The following RGS21 variants were observed in gnomAD, a reference collection of about 807,000 sequenced individuals.
The protein encoded by RGS21 is regulator of G-protein signalling 21.
A neutral mutation model predicts 18.7 loss-of-function variants in RGS21; 19 were observed. The ratio of observed to expected loss-of-function variants is 1.01; its 90% confidence interval spans 0.71 to 1.49. The LOEUF (loss-of-function observed/expected upper bound fraction) is 1.49, where lower values mean the gene tolerates loss of function less well. Ranked by LOEUF, RGS21 falls within the 40% of genes most tolerant of loss-of-function variation. The pLI is 0.00. For missense variants in RGS21, 194 were observed against 176.8 expected (o/e 1.10, Z -0.55); for synonymous variants, 56 against 57.8 (o/e 0.97, Z 0.14).
chr1:192,324,983 T>C (rs1275001748), intron 1 of RGS21, among the ~76,000 whole-genome samples: 2 of 152,070 alleles, frequency 1.3e-5, no homozygotes, highest in Non-Finnish European at 2.9e-5. Flanking sequence ...TCTTGGCCTC[T>C]TCTCTCCGTT....
At chr1:192,344,756 A>G (rs932501709) in intron 2 of RGS21, among the ~76,000 whole-genome samples, 1 of 152,082 alleles carries the variant, frequency 6.6e-6, no homozygotes, top group Non-Finnish European at 1.5e-5. Flanking sequence ...GTCAAAATTT[A>G]ACCTTCTGGA....
intron 3 of RGS21, among the ~76,000 whole-genome samples, chr1:192,350,688 G>C (rs1055138453): frequency 6.6e-6 from 1 of 152,176 alleles, no homozygotes; most frequent in African/African-American, 2.4e-5. Context: ...GCCAGCGAAA[G>C]GGTGCAAACT....
intron 4 of RGS21, among the ~76,000 whole-genome samples, chr1:192,361,267 A>G (rs1659184203): frequency 2.0e-5 from 3 of 152,184 alleles, no homozygotes; most frequent in Admixed American, 2.0e-4. Context: ...TTGCCATGGA[A>G]GAAGACAAAA....
intron 3 of RGS21, among the ~76,000 whole-genome samples, chr1:192,348,709 A>G (rs1377070382): frequency 3.3e-5 from 5 of 152,140 alleles, no homozygotes; most frequent in Non-Finnish European, 5.9e-5. Context: ...ATAATCTGCA[A>G]TTCTATCTCA....
At position 192,349,211 on chromosome 1, in the gene RGS21, G is replaced by A. The variant is rs1289884085; in HGVS notation, c.88+1822G>A. 2.0e-5 allele frequency among the ~76,000 whole-genome samples: 3 copies of A among 152,120 alleles called. No individual in the cohort carries two copies. In the East Asian group the frequency reaches 5.8e-4, roughly 29 times the overall value. On this transcript the variant is annotated intron_variant, in intron 3 of 4. Coordinates refer to ENST00000417209, the MANE Select transcript of RGS21 (RefSeq NM_001039152.3). Reference sequence around the variant, plus strand: ...AAGTCCATACAACAGTACTATAGAGGAGAGGCAGGAAGGGTGAGATGAAGG... The same window carrying A: ...AAGTCCATACAACAGTACTATAGAGAAGAGGCAGGAAGGGTGAGATGAAGG...
chr1:192,360,310 C>A (rs921016483), intron 4 of RGS21, among the ~76,000 whole-genome samples: 1 of 151,982 alleles, frequency 6.6e-6, no homozygotes, highest in African/African-American at 2.4e-5. Context: ...TCTCATATAC[C>A]CTATATTCAA....
chr1:192,348,804 T>C (rs1299937647), intron 3 of RGS21, among the ~76,000 whole-genome samples: 1 of 152,134 alleles, frequency 6.6e-6, no homozygotes, highest in Non-Finnish European at 1.5e-5. Context: ...CATTTTATTT[T>C]AAATTCATAA....
At chr1:192,356,877 C>T (rs1343944) in intron 4 of RGS21, among the ~76,000 whole-genome samples, 48,055 of 151,440 alleles carry the variant, frequency 0.32, 8,942 homozygotes, top group African/African-American at 0.51. Context: ...TCTCTGGATA[C>T]AATGTGCTTG....
chr1:192,331,545 C>CTAAATAAATAAATAAA (rs200622803), intron 1 of RGS21, among the ~76,000 whole-genome samples: 201 of 143,830 alleles, frequency 1.4e-3, no homozygotes, highest in East Asian at 3.4e-3. Context: ...GACTCCGTCT[C>CTAAATAAATAAATAAA]TAAATAAATA....
intron 1 of RGS21, among the ~76,000 whole-genome samples, chr1:192,321,172 C>A (rs900783128): frequency 3.3e-5 from 5 of 151,654 alleles, no homozygotes; most frequent in African/African-American, 9.7e-5. Flanking sequence ...ACAAAATTAC[C>A]CTTTTCTGTT....
chr1:192,333,655 A>G (rs911319427), intron 1 of RGS21, among the ~76,000 whole-genome samples: 13 of 139,436 alleles, frequency 9.3e-5, no homozygotes, highest in African/African-American at 2.7e-4. Context: ...AAAAAAAAAA[A>G]AGAGATGAGT....
At position 192,367,050 on chromosome 1, in the gene RGS21, G is replaced by A. The variant is rs940719366; in HGVS notation, c.*926G>A. ...TATGTAAATATCCTGTGATAAATAC[G>A]AATAATTTCATTTCAATATGAGAAG... On this transcript the variant is annotated 3_prime_UTR_variant, in exon 5 of 5. Transcript: ENST00000417209. 5.3e-5 allele frequency: 8 copies of A among 151,852 alleles called. No homozygotes were observed. The highest frequency in any genetic ancestry group is 2.1e-4 in the South Asian group (1 of 4,818). The allele number at this position is 151,852 out of a possible 1,614,324, so 9.4% of individuals were successfully genotyped here.
chr1:192,355,100 A>T (rs1669218589), intron 4 of RGS21, among the ~76,000 whole-genome samples: 1 of 151,678 alleles, frequency 6.6e-6, no homozygotes. Flanking sequence ...ATGATGTAGC[A>T]GAAAAACTAA....
chr1:192,356,715 G>A (rs1159929606), intron 4 of RGS21, among the ~76,000 whole-genome samples: 1 of 151,704 alleles, frequency 6.6e-6, no homozygotes, highest in Non-Finnish European at 1.5e-5. Flanking sequence ...TCCTATTACT[G>A]TGATGCCAAT....
At chr1:192,338,706 T>C (rs1428033479) in intron 1 of RGS21, among the ~76,000 whole-genome samples, 1 of 152,112 alleles carries the variant, frequency 6.6e-6, no homozygotes, top group Non-Finnish European at 1.5e-5. Context: ...AGCCTTAACT[T>C]TTCTCTGGCT....
intron 1 of RGS21, among the ~76,000 whole-genome samples, chr1:192,319,066 C>T (rs1041139674): frequency 2.6e-5 from 4 of 151,806 alleles, no homozygotes; most frequent in African/African-American, 9.7e-5. Context: ...CCCCTCTGCA[C>T]CCCCATCTCT....
intron 1 of RGS21, 49 bp from the exon 2 acceptor site, chr1:192,342,928 A>T (rs552760292): frequency 1.9e-6 from 2 of 1,026,514 alleles, no homozygotes; most frequent in South Asian, 1.3e-5. Context: ...CCCAGGGGAT[A>T]GGTATTCGCA....
intron 3 of RGS21, among the ~76,000 whole-genome samples, chr1:192,350,210 A>G (rs921753912): frequency 1.3e-5 from 2 of 152,284 alleles, no homozygotes; most frequent in Non-Finnish European, 2.9e-5. Context: ...TTGGTACCTG[A>G]TAACCTTTTG....
intron 4 of RGS21, among the ~76,000 whole-genome samples, chr1:192,352,989 G>T (rs765595035): frequency 1.2e-3 from 179 of 152,126 alleles, no homozygotes; most frequent in Non-Finnish European, 8.5e-4. Context: ...GAGCGTTAAT[G>T]TATAAGTAAC....
Sources: allele counts gnomAD v4.1 joint callset (sites outside exome capture counted in the v4.1 genomes callset), GRCh38; gene constraint gnomAD v4.1.1; transcripts MANE v1.5; gene names NCBI Gene and HGNC (gene_info 2026-07-23, HGNC 2026-07-21).